TMCC1: variants seen among roughly 807,000 people sequenced by gnomAD.
TMCC1 encodes the protein transmembrane and coiled-coil domains protein 1.
TMCC1 carries 15 observed loss-of-function variants against 52.4 expected under a neutral mutation model. The observed-to-expected ratio is 0.29, with a 90% confidence interval of 0.19 to 0.44. The LOEUF (loss-of-function observed/expected upper bound fraction) is 0.44. Among genes scored for constraint, TMCC1 ranks in the 20% least tolerant of loss-of-function variants. TMCC1 has a pLI of 1.00. For missense variants in TMCC1, 503 were observed against 806.0 expected, an observed-to-expected ratio of 0.62 and a Z score of 4.55; for synonymous variants, 279 against 301.9, an observed-to-expected ratio of 0.92 and a Z score of 0.79.
chr3:129,694,382 C>A (rs562351881), intron 4 of TMCC1, among the ~76,000 whole-genome samples: 52 of 152,308 alleles, frequency 3.4e-4, no homozygotes, highest in Admixed American at 9.1e-4. Context: ...AATAATCAGG[C>A]CAAACCTAAT....
chr3:129,770,541 G>A (rs1443728794), intron 4 of TMCC1, among the ~76,000 whole-genome samples: 2 of 151,436 alleles, frequency 1.3e-5, no homozygotes, highest in South Asian at 2.1e-4. Flanking sequence ...TCACACCACT[G>A]TACTCCAGCC....
intron 2 of TMCC1, among the ~76,000 whole-genome samples, chr3:129,865,168 C>T (rs1314570111): frequency 6.6e-6 from 1 of 152,098 alleles, no homozygotes; most frequent in Non-Finnish European, 1.5e-5. Context: ...GTAAGATTTG[C>T]TCCAGAAAGC....
At chr3:129,769,322 C>T (rs1425056854) in intron 4 of TMCC1, among the ~76,000 whole-genome samples, 1 of 152,292 alleles carries the variant, frequency 6.6e-6, no homozygotes, top group Non-Finnish European at 1.5e-5. Flanking sequence ...CTCTGCCTCT[C>T]GGGTTCAAGC....
rs61673201 is a variant in TMCC1, at chr3:129,870,759, C to CAAAA, written c.-184+9546_-184+9549dup. On this transcript the variant is annotated intron_variant, in intron 2 of 6. Coordinates refer to ENST00000393238, the MANE Select transcript of TMCC1 (RefSeq NM_001017395.5). The stretch of plus-strand genomic sequence containing the variant: ...GGGGCGACAGAGCAAGACTCCATCT[C>CAAAA]AAAAAAAAAAAAAAAAAAAAAAAGA... 8.2e-3 allele frequency among the ~76,000 whole-genome samples: 87 copies of CAAAA among 10,644 alleles called. 3 individuals carry two copies. The highest frequency in any genetic ancestry group is 0.013 in the African/African-American group (71 of 5,628). The allele number at this position is 10,644 out of a possible 152,430, so 7.0% of individuals were successfully genotyped here. A position where few individuals can be genotyped will look rare whatever the true frequency, so the allele number is the denominator to read the frequency against.
chr3:129,650,242 C>A lies in TMCC1; in HGVS notation c.*1239G>T, dbSNP rs2108833733. 1 of 151,564 alleles carries A rather than the reference C, an allele frequency of 6.6e-6. No homozygotes were observed. The highest frequency in any genetic ancestry group is 2.4e-5 in the African/African-American group (1 of 41,186). The allele number at this position is 151,564 out of a possible 1,614,324, so 9.4% of individuals were successfully genotyped here. A position where few individuals can be genotyped will look rare whatever the true frequency, so the allele number is the denominator to read the frequency against. On this transcript the variant is annotated 3_prime_UTR_variant, in exon 7 of 7. Coordinates refer to ENST00000393238, the MANE Select transcript of TMCC1 (RefSeq NM_001017395.5). Reference sequence around the variant, plus strand: ...GTCTCAACTTTTCCTAAAGACAACCCCAGCCCAAGATCACTGGGTGAACGT... The same window carrying A: ...GTCTCAACTTTTCCTAAAGACAACCACAGCCCAAGATCACTGGGTGAACGT...
chr3:129,832,132 T>A lies in TMCC1; in HGVS notation c.-131+642A>T, dbSNP rs535474741. 3.3e-5 allele frequency among the ~76,000 whole-genome samples: 5 copies of A among 152,246 alleles called. No homozygotes were observed. The South Asian group carries it at 1.0e-3, about 32-fold the overall frequency. Reference sequence around the variant, plus strand: ...TCAGCCTCCCAAAGTGCTAGGATTATAGGCATGAGTCACCGCGCCCCACCC... The same window carrying A: ...TCAGCCTCCCAAAGTGCTAGGATTAAAGGCATGAGTCACCGCGCCCCACCC... On this transcript the variant is annotated intron_variant, in intron 3 of 6. Transcript: ENST00000393238.
chr3:129,842,464 TA>T (rs897977217), intron 2 of TMCC1, among the ~76,000 whole-genome samples: 115 of 139,372 alleles, frequency 8.3e-4, no homozygotes, highest in African/African-American at 3.1e-3. Context: ...AGACTTTGTC[TA>T]AAAAAAAACA....
At chr3:129,726,883 A>AAAAAAAAAAAAAAAAAC in intron 4 of TMCC1, among the ~76,000 whole-genome samples, 1 of 141,732 alleles carries the variant, frequency 7.1e-6, no homozygotes, top group Non-Finnish European at 1.5e-5. Flanking sequence ...AAAAAAAAAA[A>AAAAAAAAAAAAAAAAAC]AAAAAAAAAA....
chr3:129,843,550 A>G (rs752536924), intron 2 of TMCC1, among the ~76,000 whole-genome samples: 11 of 152,116 alleles, frequency 7.2e-5, no homozygotes, highest in Non-Finnish European at 1.3e-4. Context: ...AAAGGACATC[A>G]ATACTGATCC....
intron 4 of TMCC1, among the ~76,000 whole-genome samples, chr3:129,678,354 TA>T (rs2088647297): frequency 2.3e-5 from 3 of 130,208 alleles, no homozygotes; most frequent in African/African-American, 8.4e-5. Context: ...GTACATTGTT[TA>T]ATTCTTTTTT....
chr3:129,656,958 C>A (rs1313610707), intron 5 of TMCC1, among the ~76,000 whole-genome samples: 1 of 152,232 alleles, frequency 6.6e-6, no homozygotes, highest in East Asian at 1.9e-4. Context: ...CTTTTCGTGA[C>A]TGTCCTATGT....
intron 4 of TMCC1, among the ~76,000 whole-genome samples, chr3:129,808,777 T>C (rs958532994): frequency 1.3e-5 from 2 of 150,970 alleles, no homozygotes; most frequent in African/African-American, 2.4e-5. Flanking sequence ...ATGATCATTT[T>C]CATTAAAGGA....
chr3:129,826,090 T>C (rs1277475899), intron 4 of TMCC1, among the ~76,000 whole-genome samples: 1 of 152,174 alleles, frequency 6.6e-6, no homozygotes, highest in Admixed American at 6.5e-5. Flanking sequence ...TAGCTGTAAA[T>C]TCCTTAATGT....
intron 5 of TMCC1, among the ~76,000 whole-genome samples, chr3:129,665,027 A>C (rs2087341422): frequency 6.6e-6 from 1 of 152,210 alleles, no homozygotes; most frequent in South Asian, 2.1e-4. Flanking sequence ...GGGATGAAGA[A>C]ACTAACTGGA....
chr3:129,674,344 T>A (rs2088216109), intron 4 of TMCC1, among the ~76,000 whole-genome samples: 1 of 152,170 alleles, frequency 6.6e-6, no homozygotes, highest in South Asian at 2.1e-4. Context: ...AGAGTATAGC[T>A]GATAGAACCC....
intron 4 of TMCC1, among the ~76,000 whole-genome samples, chr3:129,718,691 A>G (rs2049302642): frequency 6.6e-6 from 1 of 152,242 alleles, no homozygotes; most frequent in Non-Finnish European, 1.5e-5. Context: ...TAAATACAGT[A>G]CTGTAAATGT....
chr3:129,803,414 A>C (rs952035947), intron 4 of TMCC1, among the ~76,000 whole-genome samples: 1 of 152,188 alleles, frequency 6.6e-6, no homozygotes, highest in South Asian at 2.1e-4. Context: ...AAGATGAAAA[A>C]ATTTTGGAAA....
rs796701489 is a variant in TMCC1, at chr3:129,651,958, T to A, written c.1648-163A>T. Among the ~76,000 whole-genome samples, 2 of 152,284 alleles carry A rather than the reference T, an allele frequency of 1.3e-5. No homozygotes were observed. Among genetic ancestry groups the A allele is most frequent in the Non-Finnish European group, 2.9e-5 (2 of 68,050 alleles). On this transcript the variant is annotated intron_variant, in intron 6 of 6. Coordinates refer to ENST00000393238, the MANE Select transcript of TMCC1 (RefSeq NM_001017395.5). This position sits in a 1 kb window ranked among gnomAD's most constrained non-coding sequence, Gnocchi z 5.1. ...AAAAGGCTAGATGTATAACTCACTA[T>A]TCAAGTGATTATTATTCCCCCAAAT...
intron 4 of TMCC1, among the ~76,000 whole-genome samples, chr3:129,803,299 A>G (rs2057294340): frequency 6.6e-6 from 1 of 152,236 alleles, no homozygotes; most frequent in African/African-American, 2.4e-5. Context: ...CACTTATATG[A>G]GATATCTAGT....
Sources: allele counts gnomAD v4.1 joint callset (sites outside exome capture counted in the v4.1 genomes callset), GRCh38; gene constraint gnomAD v4.1.1; non-coding constraint Gnocchi (gnomAD v3.1); transcripts MANE v1.5; gene names NCBI Gene and HGNC (gene_info 2026-07-23, HGNC 2026-07-21).